The following DENND2A variants were observed in gnomAD, a reference collection of about 807,000 sequenced individuals.
DENND2A encodes DENN domain-containing protein 2A.
Under a neutral mutation model 105.3 loss-of-function variants are expected in DENND2A, and 53 were observed. That is an observed-to-expected ratio of 0.50 (90% CI 0.40 to 0.63). The LOEUF (loss-of-function observed/expected upper bound fraction) is 0.63, where lower values mean the gene tolerates loss of function less well. Ranked by LOEUF, DENND2A falls within the 30% of genes least tolerant of loss-of-function variation. The pLI, the probability that DENND2A is intolerant of heterozygous loss-of-function variation, is 0.00. For synonymous variants in DENND2A, 522 were observed against 508.4 expected, an observed-to-expected ratio of 1.03 and a Z score of -0.36; for missense variants, 1,138 against 1,279.6, an observed-to-expected ratio of 0.89 and a Z score of 1.69.
chr7:140,518,453 A>G lies in DENND2A; in HGVS notation c.*254T>C. ...TTACTTTTAATATCTAAGATAAAAA[A>G]AAAAACCCAACCACCAAAACAACCC... On this transcript the variant is annotated 3_prime_UTR_variant, in exon 20 of 20. Coordinates refer to ENST00000496613, the MANE Select transcript of DENND2A (RefSeq NM_015689.5). 2.3e-6 allele frequency: 1 copy of G among 430,932 alleles called. No individual in the cohort carries two copies. Among genetic ancestry groups the G allele is most frequent in the East Asian group, 3.7e-5 (1 of 26,942 alleles). The allele number at this position is 430,932 out of a possible 1,614,324, so 26.7% of individuals were successfully genotyped here. A position where few individuals can be genotyped will look rare whatever the true frequency, so the allele number is the denominator to read the frequency against.
chr7:140,604,046 T>C (rs1799609515), intron 2 of DENND2A, among the ~76,000 whole-genome samples: 1 of 152,260 alleles, frequency 6.6e-6, no homozygotes, highest in South Asian at 2.1e-4. Flanking sequence ...ATGCAAACAT[T>C]ATTCCACCAG....
intron 1 of DENND2A, among the ~76,000 whole-genome samples, chr7:140,616,359 C>T (rs1174868033): frequency 6.6e-6 from 1 of 152,016 alleles, no homozygotes; most frequent in Admixed American, 6.6e-5. Flanking sequence ...GAGACTCCAT[C>T]ACATACACAC....
chr7:140,592,154 C>T (rs1799081656), intron 3 of DENND2A, among the ~76,000 whole-genome samples: 1 of 150,272 alleles, frequency 6.7e-6, no homozygotes, highest in Admixed American at 6.6e-5. Flanking sequence ...ATTCTCCTGC[C>T]TCAGCCTCCC....
chr7:140,609,332 G>A (rs553195404), intron 1 of DENND2A, among the ~76,000 whole-genome samples: 1 of 152,260 alleles, frequency 6.6e-6, no homozygotes, highest in East Asian at 1.9e-4. Context: ...GGCCAACATG[G>A]GGAAACCCTG....
intron 4 of DENND2A, 86 bp downstream of exon 4, chr7:140,587,567 C>T (rs546140518): frequency 3.6e-5 from 56 of 1,567,112 alleles, no homozygotes; most frequent in African/African-American, 3.2e-4. Flanking sequence ...TGTGTGTGCA[C>T]GTGTGTTTCC....
chr7:140,637,570 G>A (rs1362134679), intron 1 of DENND2A, among the ~76,000 whole-genome samples: 1 of 152,140 alleles, frequency 6.6e-6, no homozygotes, highest in Non-Finnish European at 1.5e-5. Flanking sequence ...AGGATCTCTG[G>A]TCTGCTGAGT....
intron 9 of DENND2A, among the ~76,000 whole-genome samples, chr7:140,564,164 T>C (rs1797741562): frequency 6.6e-6 from 1 of 151,810 alleles, no homozygotes; most frequent in South Asian, 2.1e-4. Context: ...ATGCCTGTAA[T>C]CCCAGCTACT....
Position 140,601,460 on chromosome 7 carries a change from G to A in DENND2A, c.938C>T (p.Pro313Leu). ...CCACAGTCTTCTGTTCACAGAGGAA[G>A]GTGGGGGAGAGGAGGGCAGAGGCGG... ...PPPPLPSSPP[P>L]SSVNRRLWTG... Residue 313 changes from proline (P) to leucine (L), a missense_variant, in exon 3 of 20, where the codon CCT becomes CTT. This residue lies in a region of DENND2A where 511 missense variants were observed against 499.9 expected (regional missense o/e 1.02). Coordinates refer to ENST00000496613, the MANE Select transcript of DENND2A (RefSeq NM_015689.5). 6.2e-7 allele frequency: 1 copy of A among 1,613,794 alleles called. No individual in the cohort carries two copies. The highest frequency in any genetic ancestry group is 2.2e-5 in the East Asian group (1 of 44,870).
chr7:140,599,161 AC>A (rs1799390333), intron 3 of DENND2A, among the ~76,000 whole-genome samples: 1 of 152,046 alleles, frequency 6.6e-6, no homozygotes, highest in South Asian at 2.1e-4. Flanking sequence ...ACATGGTGAA[AC>A]CCTGTCTCTA....
At chr7:140,555,793 C>G in intron 11 of DENND2A, 80 bp from the exon 12 acceptor site, 1 of 1,188,732 alleles carries the variant, frequency 8.4e-7, no homozygotes, top group Non-Finnish European at 1.2e-6. Context: ...TTTTGCGAGA[C>G]TATCATGTGC....
In DENND2A at chr7:140,595,548, G is replaced by A. The variant is rs1177799143; in HGVS notation, c.995+5855C>T. 8.5e-5 allele frequency among the ~76,000 whole-genome samples: 13 copies of A among 152,160 alleles called. No individual in the cohort carries two copies. In the East Asian group the frequency reaches 2.5e-3, roughly 30 times the overall value. On this transcript the variant is annotated intron_variant, in intron 3 of 19. Coordinates refer to ENST00000496613, the MANE Select transcript of DENND2A (RefSeq NM_015689.5). ...CTTTGGTAGGCTGAGGCAGGCAGATGGCTTGAGTCCAGGAGTTCAAGACCA... is the reference window on the plus strand; with the variant it reads ...CTTTGGTAGGCTGAGGCAGGCAGATAGCTTGAGTCCAGGAGTTCAAGACCA...
intron 1 of DENND2A, among the ~76,000 whole-genome samples, chr7:140,612,456 T>C (rs1799935145): frequency 6.6e-6 from 1 of 151,984 alleles, no homozygotes; most frequent in Non-Finnish European, 1.5e-5. Flanking sequence ...CATAAGTAAA[T>C]ATGTATTATA....
rs187732883 is a variant in DENND2A, at chr7:140,587,766, A to G, written c.1010T>C (p.Phe337Ser). 12 of 1,600,334 alleles carry G rather than the reference A, an allele frequency of 7.5e-6. No individual in the cohort carries two copies. The highest frequency in any genetic ancestry group is 3.4e-5 in the Admixed American group (2 of 59,190). The change falls in exon 4 of 20, where the codon TTT (phenylalanine) becomes TCT (serine). Residue 337 changes from phenylalanine (F) to serine (S), a missense_variant. Transcript: ENST00000496613. ...SSADHRKSYE[F>S]EDLLQSSSES... is the part of the protein sequence containing the mutation. ...AGAGGAAGACTGCAGTAAATCTTCA[A>G]ACTCATAGGACTTTCTGGAATGTGC... is the stretch of plus-strand genomic sequence containing the variant.
intron 9 of DENND2A, among the ~76,000 whole-genome samples, chr7:140,560,070 T>C (rs1457936422): frequency 6.6e-6 from 1 of 152,088 alleles, no homozygotes; most frequent in Non-Finnish European, 1.5e-5. Flanking sequence ...TGCTTGACAT[T>C]CTAGAATGTA....
intron 1 of DENND2A, among the ~76,000 whole-genome samples, chr7:140,618,552 T>C (rs1377608972): frequency 2.0e-5 from 3 of 152,154 alleles, no homozygotes; most frequent in Non-Finnish European, 4.4e-5. Context: ...AAGTAATGGG[T>C]CTATGTTTTG....
At chr7:140,567,861 C>T (rs1010128745) in intron 8 of DENND2A, among the ~76,000 whole-genome samples, 4 of 152,154 alleles carry the variant, frequency 2.6e-5, no homozygotes, top group African/African-American at 2.4e-5. Context: ...GAGGTGAGTC[C>T]GGGAGCAGCT....
chr7:140,534,241 C>A (rs955684817), intron 14 of DENND2A, among the ~76,000 whole-genome samples: 2 of 151,912 alleles, frequency 1.3e-5, no homozygotes. Context: ...CGTGCCACCA[C>A]GCCCAGCTAA....
At chr7:140,574,377 C>G (rs1798217317) in intron 5 of DENND2A, among the ~76,000 whole-genome samples, 1 of 152,042 alleles carries the variant, frequency 6.6e-6, no homozygotes. Context: ...CACTGCCACG[C>G]CCAGCTAATT....
chr7:140,523,228 G>C lies in DENND2A; in HGVS notation c.2665+79C>G. The C allele has an allele frequency of 7.5e-7, 1 of 1,334,468 alleles. No individual in the cohort carries two copies. The highest frequency in any genetic ancestry group is 1.2e-5 in the South Asian group (1 of 84,672). The allele number at this position is 1,334,468 out of a possible 1,614,324, so 82.7% of individuals were successfully genotyped here. ...TCTCCCTTGCCCATATTCCTACTTG[G>C]CCCTTGGCCACTGCCCATTTGTTCC... On this transcript the variant is annotated intron_variant, in intron 17 of 19. Coordinates refer to ENST00000496613, the MANE Select transcript of DENND2A (RefSeq NM_015689.5). The surrounding 1 kb of genome is among the most constrained non-coding windows in gnomAD (Gnocchi z 4.5).
Sources: gnomAD v4.1 joint callset for allele counts (sites outside exome capture counted in the v4.1 genomes callset) on GRCh38, gnomAD v4.1.1 for gene constraint, gnomAD v4.1.1 regional missense constraint, Gnocchi (gnomAD v3.1) non-coding constraint, MANE v1.5 for transcripts, NCBI Gene and HGNC (gene_info 2026-07-23, HGNC 2026-07-21) for gene names.